The following SLC25A48 variants were observed in gnomAD, a reference collection of about 807,000 sequenced individuals.
SLC25A48 encodes the protein solute carrier family 25 member 48.
In SLC25A48, 29 loss-of-function variants were observed where a neutral mutation model predicts 32.2. That is an observed-to-expected ratio of 0.90 (90% CI 0.67 to 1.23). The LOEUF is 1.23. Among genes scored for constraint, SLC25A48 ranks in the 50% most tolerant of loss-of-function variants. The pLI, the probability that SLC25A48 is intolerant of heterozygous loss-of-function variation, is 0.00. For missense variants in SLC25A48, 399 were observed against 422.7 expected, an observed-to-expected ratio of 0.94 and a Z score of 0.49; for synonymous variants, 164 against 172.3, an observed-to-expected ratio of 0.95 and a Z score of 0.38.
intron 3 of SLC25A48, among the ~76,000 whole-genome samples, chr5:135,709,245 C>G (rs1426163719): frequency 6.6e-6 from 1 of 152,214 alleles, no homozygotes; most frequent in Non-Finnish European, 1.5e-5. Context: ...TGAGAACTGG[C>G]CTGCCTCTGG....
chr5:135,664,347 C>T (rs1753472746), intron 3 of SLC25A48, among the ~76,000 whole-genome samples: 1 of 152,230 alleles, frequency 6.6e-6, no homozygotes, highest in African/African-American at 2.4e-5. Flanking sequence ...TGACCTACCT[C>T]CAGCTCTCTA....
intron 2 of SLC25A48, among the ~76,000 whole-genome samples, chr5:135,846,976 T>C (rs1318815254): frequency 6.6e-6 from 1 of 152,198 alleles, no homozygotes; most frequent in Non-Finnish European, 1.5e-5. Context: ...TCTTACTTGA[T>C]ACAATATGAG....
chr5:135,848,826 A>G (rs1011514501), intron 2 of SLC25A48, among the ~76,000 whole-genome samples: 2 of 152,026 alleles, frequency 1.3e-5, no homozygotes, highest in African/African-American at 4.8e-5. Context: ...TATTTCCTAT[A>G]TTTTTCCTAT....
intron 3 of SLC25A48, among the ~76,000 whole-genome samples, chr5:135,732,453 C>A (rs1755248803): frequency 6.6e-6 from 1 of 152,032 alleles, no homozygotes; most frequent in Non-Finnish European, 1.5e-5. Flanking sequence ...GTTTCCTGAC[C>A]CAAGGCATGT....
chr5:135,745,875 G>A (rs1168699662), intron 3 of SLC25A48, among the ~76,000 whole-genome samples: 1 of 152,024 alleles, frequency 6.6e-6, no homozygotes, highest in Non-Finnish European at 1.5e-5. Context: ...GCAGAGCCAG[G>A]ATTTAAGTCT....
At chr5:135,667,915 C>A (rs1184662351) in intron 3 of SLC25A48, among the ~76,000 whole-genome samples, 2 of 152,212 alleles carry the variant, frequency 1.3e-5, no homozygotes, top group East Asian at 3.8e-4. Flanking sequence ...GACCCAGGCA[C>A]AACGCCTTAG....
At chr5:135,683,290 C>T (rs1357670422) in intron 3 of SLC25A48, among the ~76,000 whole-genome samples, 3 of 152,152 alleles carry the variant, frequency 2.0e-5, no homozygotes, top group Non-Finnish European at 4.4e-5. Context: ...AAGAGTCAGA[C>T]CTTATAAAGG....
At position 135,717,147 on chromosome 5, in the gene SLC25A48, G is replaced by A. The variant is rs74586914; in HGVS notation, c.-521+82191G>A. 5.6e-3 allele frequency among the ~76,000 whole-genome samples: 853 copies of A among 152,318 alleles called. 7 individuals are homozygous for A. Among genetic ancestry groups the A allele is most frequent in the African/African-American group, 0.019 (806 of 41,576 alleles). ...GGGCAGATGTCGCTAGCATCAGGGA[G>A]CTCACTACCTGCTCTTCCTCAGGGC... On this transcript the variant is annotated intron_variant, in intron 3 of 10. Coordinates refer to the SLC25A48 transcript ENST00000646290.
chr5:135,846,668 G>A (rs112732459), intron 2 of SLC25A48, among the ~76,000 whole-genome samples: 40 of 152,244 alleles, frequency 2.6e-4, no homozygotes, highest in Middle Eastern at 3.4e-3. Flanking sequence ...CTGACATGAA[G>A]CTCATAGTTT....
chr5:135,745,063 A>C (rs1273259101), intron 3 of SLC25A48, among the ~76,000 whole-genome samples: 1 of 152,198 alleles, frequency 6.6e-6, no homozygotes, highest in Non-Finnish European at 1.5e-5. Context: ...ACCCTAACCC[A>C]GCAGTGCTAG....
intron 1 of SLC25A48, among the ~76,000 whole-genome samples, chr5:135,588,201 T>C (rs892063614): frequency 1.3e-5 from 2 of 152,236 alleles, no homozygotes; most frequent in Admixed American, 1.3e-4. Context: ...CCTGAGTTTT[T>C]GTCTTTGAAG....
At chr5:135,717,499 A>T (rs1177431048) in intron 3 of SLC25A48, among the ~76,000 whole-genome samples, 1 of 152,218 alleles carries the variant, frequency 6.6e-6, no homozygotes, top group African/African-American at 2.4e-5. Context: ...TTTATTTGGA[A>T]ATAAGATCTT....
chr5:135,668,577 C>A lies in SLC25A48; in HGVS notation c.-521+33621C>A, dbSNP rs1291073411. ...TGAGCCTGACATAGTGGAACATAGACATGTATAAGCACTGATGTTTTCCTT... is the reference window on the plus strand; with the variant it reads ...TGAGCCTGACATAGTGGAACATAGAAATGTATAAGCACTGATGTTTTCCTT... On this transcript the variant is annotated intron_variant, in intron 3 of 10. Transcript: ENST00000646290. Among the ~76,000 whole-genome samples the A allele has an allele frequency of 2.2e-4, 34 of 152,156 alleles. 1 individual carries two copies. Among genetic ancestry groups the A allele is most frequent in the Admixed American group, 2.2e-3 (34 of 15,280 alleles).
chr5:135,663,258 T>A (rs558016202), intron 3 of SLC25A48, among the ~76,000 whole-genome samples: 3 of 152,370 alleles, frequency 2.0e-5, no homozygotes, highest in Non-Finnish European at 4.4e-5. Context: ...ATTACTCCTG[T>A]AATCATACTT....
intron 4 of SLC25A48, among the ~76,000 whole-genome samples, chr5:135,865,747 C>G (rs1459432531): frequency 6.6e-6 from 1 of 152,178 alleles, no homozygotes; most frequent in Non-Finnish European, 1.5e-5. Flanking sequence ...CTAGGGGGCA[C>G]AGCCTCAGGC....
At chr5:135,632,168 A>T in intron 2 of SLC25A48, among the ~76,000 whole-genome samples, 1 of 152,240 alleles carries the variant, frequency 6.6e-6, no homozygotes, top group East Asian at 1.9e-4. Context: ...TGACTGGGTC[A>T]TAGAAGATTC....
At chr5:135,868,540 C>T (rs916359148) in intron 4 of SLC25A48, among the ~76,000 whole-genome samples, 1 of 152,108 alleles carries the variant, frequency 6.6e-6, no homozygotes, top group African/African-American at 2.4e-5. Flanking sequence ...ACAATATCTC[C>T]ATTCTTAGGA....
chr5:135,626,384 C>A (rs1224349927), intron 1 of SLC25A48, among the ~76,000 whole-genome samples: 1 of 152,226 alleles, frequency 6.6e-6, no homozygotes. Flanking sequence ...TTGTTTTCAG[C>A]ATTACTGGCT....
chr5:135,874,155 G>A lies in SLC25A48; in HGVS notation c.813+1G>A. ...GAGTTACCAGAAGGAAGGTCTTAAA[G>A]TAAGCCCACAGCAGGCCTGCGGGGT... is the stretch of plus-strand genomic sequence containing the variant. On this transcript the variant is annotated splice_donor_variant, in intron 6 of 7. Coordinates refer to ENST00000681962, the MANE Select transcript of SLC25A48 (RefSeq NM_001349336.2). LOFTEE classifies it high-confidence loss of function. 1 of 1,455,976 alleles carries A rather than the reference G, an allele frequency of 6.9e-7. No homozygotes were observed. Among genetic ancestry groups the A allele is most frequent in the Non-Finnish European group, 9.0e-7 (1 of 1,113,168 alleles). The allele number at this position is 1,455,976 out of a possible 1,614,324, so 90.2% of individuals were successfully genotyped here.
Sources: allele counts gnomAD v4.1 joint callset (sites outside exome capture counted in the v4.1 genomes callset), GRCh38; gene constraint gnomAD v4.1.1; transcripts MANE v1.5; gene names NCBI Gene and HGNC (gene_info 2026-07-23, HGNC 2026-07-21).